The following OSBPL9 variants were observed in gnomAD, a reference collection of about 807,000 sequenced individuals.
The protein encoded by OSBPL9 is oxysterol binding protein like 9.
A neutral mutation model predicts 106.6 loss-of-function variants in OSBPL9; 40 were observed. The observed-to-expected ratio is 0.38, with a 90% confidence interval of 0.29 to 0.49. The LOEUF (loss-of-function observed/expected upper bound fraction) is 0.49, where lower values mean the gene tolerates loss of function less well. Ranked by LOEUF, OSBPL9 falls within the 20% of genes least tolerant of loss-of-function variation. The probability of loss-of-function intolerance (pLI) is 0.97; values close to 1 mark genes in which losing one functional copy is unlikely to be tolerated. For missense variants in OSBPL9, 609 were observed against 887.2 expected, an observed-to-expected ratio of 0.69 and a Z score of 3.98; for synonymous variants, 269 against 295.4, an observed-to-expected ratio of 0.91 and a Z score of 0.92.
At chr1:51,593,711 C>T (rs971062459) in intron 1 of OSBPL9, among the ~76,000 whole-genome samples, 1 of 152,084 alleles carries the variant, frequency 6.6e-6, no homozygotes, top group African/African-American at 2.4e-5. Flanking sequence ...ACCCTCAAAA[C>T]AGTATTACTT....
chr1:51,525,351 G>A, the OSBPL9 span, among the ~76,000 whole-genome samples: 1 of 152,194 alleles, frequency 6.6e-6, no homozygotes, highest in Non-Finnish European at 1.5e-5. Flanking sequence ...CTTAGCAGGT[G>A]CTGATAATGT....
At chr1:51,734,225 G>A (rs897945488) in intron 4 of OSBPL9, among the ~76,000 whole-genome samples, 16 of 152,196 alleles carry the variant, frequency 1.1e-4, no homozygotes, top group Middle Eastern at 6.3e-3. Context: ...GACACCTTTA[G>A]GAACTTGGCT....
chr1:51,633,513 C>T (rs1359220462), intron 1 of OSBPL9, among the ~76,000 whole-genome samples: 1 of 151,744 alleles, frequency 6.6e-6, no homozygotes, highest in Non-Finnish European at 1.5e-5. Flanking sequence ...GATCAATGAG[C>T]CTGGGAAGTA....
intron 1 of OSBPL9, among the ~76,000 whole-genome samples, chr1:51,644,556 G>A (rs958438644): frequency 1.3e-5 from 2 of 152,070 alleles, no homozygotes; most frequent in Non-Finnish European, 2.9e-5. Context: ...TTGAACTCCC[G>A]ACCTCATGTG....
chr1:51,607,352 G>A (rs188219892), intron 2 of OSBPL9, among the ~76,000 whole-genome samples: 2 of 151,694 alleles, frequency 1.3e-5, no homozygotes, highest in African/African-American at 4.8e-5. Context: ...AGTAGAGATG[G>A]GGTTTCACCA....
At chr1:51,608,968 C>T (rs549688002) in intron 2 of OSBPL9, among the ~76,000 whole-genome samples, 39 of 150,692 alleles carry the variant, frequency 2.6e-4, no homozygotes, top group African/African-American at 8.3e-4. Flanking sequence ...CTTTTTTTTT[C>T]ACTTCACAGA....
At chr1:51,683,552 GGA>G (rs1307105933) in intron 3 of OSBPL9, among the ~76,000 whole-genome samples, 1 of 151,970 alleles carries the variant, frequency 6.6e-6, no homozygotes, top group Non-Finnish European at 1.5e-5. Context: ...CAGTACCTTG[GGA>G]AGCTGAGGTG....
intron 1 of OSBPL9, among the ~76,000 whole-genome samples, chr1:51,646,458 G>C (rs925357596): frequency 2.6e-5 from 4 of 152,024 alleles, no homozygotes; most frequent in African/African-American, 4.8e-5. Context: ...TTTTGTTATT[G>C]AATTTCTGTT....
chr1:51,530,965 CT>C, the OSBPL9 span, among the ~76,000 whole-genome samples: 2 of 149,320 alleles, frequency 1.3e-5, no homozygotes, highest in African/African-American at 5.0e-5. Context: ...CAGAGCGAGA[CT>C]TTGTTGTAAA....
chr1:51,745,608 C>T lies in OSBPL9; in HGVS notation c.391C>T (p.Gln131Ter). 3 of 1,595,080 alleles carry T rather than the reference C, an allele frequency of 1.9e-6. No homozygotes were observed. The highest frequency in any genetic ancestry group is 2.6e-6 in the Non-Finnish European group (3 of 1,174,284). Residue 131 changes from glutamine (Q) to a stop codon, truncating the protein, a stop_gained, in exon 5 of 24, where the codon CAA becomes TAA. Transcript: ENST00000428468. LOFTEE classifies it high-confidence loss of function. The stretch of plus-strand genomic sequence containing the variant: ...ACTTACAGAAGCTGATGCTTACCTA[C>T]AAATCTTGATTGAACAATTAAAGGT... ...KKLTEADAYL[Q>*]ILIEQLKLFD...
At chr1:51,712,248 C>CAAAAAAATACG (rs1446387998) in intron 3 of OSBPL9, among the ~76,000 whole-genome samples, 1 of 152,246 alleles carries the variant, frequency 6.6e-6, no homozygotes, top group Non-Finnish European at 1.5e-5. Context: ...CCGTCTCCAC[C>CAAAAAAATACG]AAAACCAGTC....
At chr1:51,540,425 G>T in the OSBPL9 span, among the ~76,000 whole-genome samples, 1 of 152,042 alleles carries the variant, frequency 6.6e-6, no homozygotes, top group South Asian at 2.1e-4. Flanking sequence ...AGGAGGCCGA[G>T]GTGGGCAGAT....
chr1:51,627,326 G>T (rs572093893), intron 1 of OSBPL9, among the ~76,000 whole-genome samples: 1 of 152,054 alleles, frequency 6.6e-6, no homozygotes, highest in Non-Finnish European at 1.5e-5. Context: ...TATGGAATGA[G>T]GTAAGGGTCC....
intron 3 of OSBPL9, among the ~76,000 whole-genome samples, chr1:51,672,318 C>A (rs140608293): frequency 6.6e-6 from 1 of 152,096 alleles, no homozygotes; most frequent in Admixed American, 6.6e-5. Context: ...GAGAAGTGGT[C>A]GAATTGTGTG....
intron 3 of OSBPL9, among the ~76,000 whole-genome samples, chr1:51,700,581 T>G (rs1034838085): frequency 1.2e-4 from 18 of 152,240 alleles, no homozygotes; most frequent in African/African-American, 4.3e-4. Flanking sequence ...ATGATTCGAT[T>G]GCAATTATGT....
chr1:51,668,130 C>T (rs1215583197), intron 2 of OSBPL9, among the ~76,000 whole-genome samples: 1 of 152,070 alleles, frequency 6.6e-6, no homozygotes. Flanking sequence ...TTGTCAAGGT[C>T]TCTGGTTTTA....
chr1:51,534,077 T>C, the OSBPL9 span, among the ~76,000 whole-genome samples: 1 of 151,666 alleles, frequency 6.6e-6, no homozygotes, highest in Admixed American at 6.6e-5. Flanking sequence ...TGGTGGCACA[T>C]GCTGTAGTCC....
intron 3 of OSBPL9, among the ~76,000 whole-genome samples, chr1:51,685,759 C>G (rs1332924995): frequency 1.3e-5 from 2 of 152,204 alleles, no homozygotes; most frequent in African/African-American, 4.8e-5. Context: ...AAGACCTCTA[C>G]AAGGCATTCA....
At chr1:51,685,267 A>C (rs1181170886) in intron 3 of OSBPL9, among the ~76,000 whole-genome samples, 3 of 152,152 alleles carry the variant, frequency 2.0e-5, no homozygotes, top group African/African-American at 7.2e-5. Flanking sequence ...AATTTCAGGC[A>C]GTTCTCAGAC....
Sources: gnomAD v4.1 joint callset for allele counts (sites outside exome capture counted in the v4.1 genomes callset) on GRCh38, gnomAD v4.1.1 for gene constraint, MANE v1.5 for transcripts, NCBI Gene and HGNC (gene_info 2026-07-23, HGNC 2026-07-21) for gene names.